Variants in HEPH observed in about 807,000 individuals in gnomAD.
HEPH encodes the protein hephaestin.
Under a neutral mutation model 80.8 loss-of-function variants are expected in HEPH, and 69 were observed. The ratio of observed to expected loss-of-function variants is 0.85; its 90% CI spans 0.70 to 1.04. The LOEUF (loss-of-function observed/expected upper bound fraction) is 1.04, where lower values mean the gene tolerates loss of function less well. HEPH is among the 50% of genes least tolerant of loss of function. HEPH has a pLI of 0.00. For synonymous variants in HEPH, 431 were observed against 322.8 expected (o/e 1.34, Z -3.60); for missense variants, 1,115 against 891.3 (o/e 1.25, Z -3.20).
At chrX:66,245,751 G>T (rs1184630213) in intron 15 of HEPH, among the ~76,000 whole-genome samples, 1 of 111,905 alleles carries the variant, frequency 8.9e-6, no homozygotes, top group Admixed American at 9.4e-5. Context: ...CTCAGCAAAT[G>T]TAAAAGAACA....
intron 11 of HEPH, among the ~76,000 whole-genome samples, chrX:66,200,225 G>A (rs1359699148): frequency 9.9e-6 from 1 of 101,004 alleles, no homozygotes; most frequent in Middle Eastern, 4.5e-3. Flanking sequence ...TCAAGAAATA[G>A]GGAATAGGAG....
In HEPH at chrX:66,255,064, C is replaced by T. The variant is rs2091131165; in HGVS notation, c.2593C>T (p.Pro865Ser). Residue 865 changes from proline (P) to serine (S), a missense_variant, in exon 16 of 21, where the codon CCA becomes TCA. Transcript: ENST00000343002. ...GEVVTYQWNI[P>S]ERSGPGPNDS... ...GGTGGTCACTTATCAGTGGAACATC[C>T]CAGAGAGGTCTGGCCCTGGGCCCAA... The T allele has an allele frequency of 8.3e-7, 1 of 1,206,209 alleles. No homozygotes were observed. The highest frequency in any genetic ancestry group is 1.1e-6 in the Non-Finnish European group (1 of 891,990).
chrX:66,224,516 C>T (rs2089795181), intron 15 of HEPH, among the ~76,000 whole-genome samples: 1 of 112,209 alleles, frequency 8.9e-6, no homozygotes, highest in African/African-American at 3.2e-5. Context: ...TAGGATACTT[C>T]TCAACTGGTG....
chrX:66,198,987 C>T lies in HEPH; in HGVS notation c.1823C>T (p.Ser608Leu), dbSNP rs2088268170. 5 of 1,211,336 alleles carry T rather than the reference C, an allele frequency of 4.1e-6. No homozygotes were observed. The South Asian group carries it at 7.0e-5, about 17-fold the overall frequency. The change falls in exon 11 of 21, where the codon TCA (serine) becomes TTA (leucine). Residue 608 changes from serine (S) to leucine (L), a missense_variant. This residue lies in a region of HEPH where 716 missense variants were observed against 523.5 expected (regional missense o/e 1.37). Transcript: ENST00000343002. ...GCTATGTTGGATTTCCGACTGCTTTCAGAGGATATTGAGGGCTTCCAAGAC... is the reference window on the plus strand; with the variant it reads ...GCTATGTTGGATTTCCGACTGCTTTTAGAGGATATTGAGGGCTTCCAAGAC... ...AAAMLDFRLLSEDIEGFQDSN... is the reference protein window; with the variant it reads ...AAAMLDFRLLLEDIEGFQDSN...
In HEPH at chrX:66,243,086, T is replaced by C. The variant is rs151278362; in HGVS notation, c.2564-11949T>C. ...TGCATATTCATCACAGCACTTTTCA[T>C]GATAGCATGAACAGTGTATTGAATA... On this transcript the variant is annotated intron_variant, in intron 15 of 20. Transcript: ENST00000343002. Among the ~76,000 whole-genome samples, 43 of 111,876 alleles carry C rather than the reference T, an allele frequency of 3.8e-4. 1 individual carries two copies. In the East Asian group the frequency reaches 0.012, roughly 31 times the overall value.
At chrX:66,221,406 G>A (rs1431459425) in intron 15 of HEPH, among the ~76,000 whole-genome samples, 1 of 112,790 alleles carries the variant, frequency 8.9e-6, no homozygotes, top group African/African-American at 3.2e-5. Flanking sequence ...GGTTAATCTA[G>A]CATTTGTTAA....
rs185181962 is a variant in HEPH at position 66,236,681 on chromosome X, A to C, written c.2564-18354A>C. ...CTCATTTTTTTGCAATAGGTTTAGT[A>C]GGAATGGTAGCAGATCTTTGTACAC... On this transcript the variant is annotated intron_variant, in intron 15 of 20. Coordinates refer to ENST00000343002, the MANE Select transcript of HEPH (RefSeq NM_001367233.3). Among the ~76,000 whole-genome samples, 146 of 111,319 alleles carry C rather than the reference A, an allele frequency of 1.3e-3. 1 individual carries two copies. Among genetic ancestry groups the C allele is most frequent in the African/African-American group, 4.6e-3 (142 of 30,563 alleles).
intron 16 of HEPH, 61 bp from the exon 17 acceptor site, chrX:66,256,044 G>A: frequency 1.1e-6 from 1 of 913,808 alleles, no homozygotes; most frequent in Non-Finnish European, 1.5e-6. Flanking sequence ...TCCCTGCGGA[G>A]TACTGCTACC....
intron 15 of HEPH, among the ~76,000 whole-genome samples, chrX:66,240,733 T>G: frequency 8.9e-6 from 1 of 112,240 alleles, no homozygotes; most frequent in South Asian, 3.7e-4. Flanking sequence ...CTCAGAATTC[T>G]GTACACTGAA....
At position 66,197,755 on chromosome X, in the gene HEPH, C is replaced by T. The variant is rs866698428; in HGVS notation, c.1574C>T (p.Ala525Val). ...TACCGCTGGACAGTCCCCCCTCATG[C>T]CGGTCCCACTGCTCAGGATCCTGCT... ...VTYRWTVPPH[A>V]GPTAQDPACL... Residue 525 changes from alanine (A) to valine (V), a missense_variant, in exon 10 of 21, where the codon GCC becomes GTC. By Grantham distance (64) the Ala-to-Val change is moderately conservative. Coordinates refer to ENST00000343002, the MANE Select transcript of HEPH (RefSeq NM_001367233.3). The T allele has an allele frequency of 8.3e-7, 1 of 1,211,477 alleles. No homozygotes were observed. The highest frequency in any genetic ancestry group is 1.1e-6 in the Non-Finnish European group (1 of 895,118).
At chrX:66,211,704 G>T (rs1300742993) in intron 15 of HEPH, among the ~76,000 whole-genome samples, 1 of 111,324 alleles carries the variant, frequency 9.0e-6, no homozygotes, top group Non-Finnish European at 1.9e-5. Flanking sequence ...GTATTCCATT[G>T]TGTATATATA....
downstream of HEPH, chrX:66,267,467 T>C (rs2091570496): frequency 9.0e-6 from 1 of 111,189 alleles, no homozygotes; most frequent in African/African-American, 3.3e-5. Context: ...AGGGGGTGAG[T>C]GAGTATAGTA....
chrX:66,232,068 G>T (rs1329819336), intron 15 of HEPH, among the ~76,000 whole-genome samples: 1 of 108,807 alleles, frequency 9.2e-6, no homozygotes, highest in Non-Finnish European at 1.9e-5. Context: ...CTGTTTATAT[G>T]CTGGATTACA....
At chrX:66,195,020 C>G in intron 8 of HEPH, 78 bp from the exon 9 acceptor site, 6 of 811,504 alleles carry the variant, frequency 7.4e-6, no homozygotes, top group Non-Finnish European at 1.0e-5. Flanking sequence ...CCTTTTCTTT[C>G]CCTCCCTCTT....
chrX:66,257,309 T>A (rs906644192), intron 17 of HEPH, among the ~76,000 whole-genome samples: 2 of 111,500 alleles, frequency 1.8e-5, no homozygotes, highest in African/African-American at 6.5e-5. Context: ...TGTTTATGTG[T>A]CTATCCACAC....
intron 4 of HEPH, among the ~76,000 whole-genome samples, chrX:66,180,411 G>A (rs1441526026): frequency 9.0e-6 from 1 of 110,863 alleles, no homozygotes; most frequent in South Asian, 3.8e-4. Context: ...TAATTGTTTT[G>A]TTTGTGGAAG....
At chrX:66,180,099 G>A (rs1370101956) in intron 4 of HEPH, among the ~76,000 whole-genome samples, 1 of 110,817 alleles carries the variant, frequency 9.0e-6, no homozygotes, top group Non-Finnish European at 1.9e-5. Context: ...GAGATATGAG[G>A]TACCATAGCA....
In HEPH at chrX:66,196,496, T is replaced by C. The variant is rs748727481; in HGVS notation, c.1502-1187T>C. Among the ~76,000 whole-genome samples the C allele has an allele frequency of 2.6e-4, 29 of 112,279 alleles. No homozygotes were observed. The South Asian group carries it at 0.011, about 41-fold the overall frequency. ...CTTGTTATAAGCTATACTAGAAATA[T>C]CCTTCCATATGTTTCTTTGAATGTT... On this transcript the variant is annotated intron_variant, in intron 9 of 20. Coordinates refer to ENST00000343002, the MANE Select transcript of HEPH (RefSeq NM_001367233.3).
chrX:66,252,205 C>T (rs997611515), intron 15 of HEPH, among the ~76,000 whole-genome samples: 2 of 111,691 alleles, frequency 1.8e-5, no homozygotes, highest in Non-Finnish European at 3.8e-5. Context: ...ACTGGTGGCA[C>T]TATCTATTGA....
Sources: allele counts gnomAD v4.1 joint callset (sites outside exome capture counted in the v4.1 genomes callset), GRCh38; gene constraint gnomAD v4.1.1; regional missense constraint gnomAD v4.1.1; transcripts MANE v1.5; gene names NCBI Gene and HGNC (gene_info 2026-07-23, HGNC 2026-07-21).